The following ZBTB41 variants were observed in gnomAD, a reference collection of about 807,000 sequenced individuals.
ZBTB41 encodes the protein zinc finger and BTB domain-containing protein 41.
ZBTB41 carries 42 observed loss-of-function variants against 87.6 expected under a neutral mutation model. That is an observed-to-expected ratio of 0.48 (90% CI 0.37 to 0.62). ZBTB41 has a LOEUF of 0.62. Among genes scored for constraint, ZBTB41 ranks in the 20% least tolerant of loss-of-function variants. ZBTB41 has a pLI of 0.00. For synonymous variants in ZBTB41, 364 were observed against 364.0 expected, an observed-to-expected ratio of 1.00 and a Z score of 0.00; for missense variants, 799 against 1,078.9, an observed-to-expected ratio of 0.74 and a Z score of 3.63.
chr1:197,198,673 T>TAA (rs938335755), intron 2 of ZBTB41, among the ~76,000 whole-genome samples: 5 of 152,120 alleles, frequency 3.3e-5, no homozygotes, highest in African/African-American at 1.2e-4. Flanking sequence ...ACATAAAACT[T>TAA]AAAGTGATAG....
chr1:197,181,251 G>T, intron 5 of ZBTB41, 134 bp from the exon 6 acceptor site: 1 of 727,526 alleles, frequency 1.4e-6, no homozygotes, highest in East Asian at 3.0e-5. Flanking sequence ...TTCTCTTCTA[G>T]GTTATTTATT....
intron 2 of ZBTB41, among the ~76,000 whole-genome samples, chr1:197,197,981 G>A (rs1472870111): frequency 6.6e-6 from 1 of 152,094 alleles, no homozygotes; most frequent in East Asian, 1.9e-4. Flanking sequence ...AGACAATTAA[G>A]GCAGAATACA....
At position 197,194,689 on chromosome 1, in the gene ZBTB41, T is replaced by G. The variant is rs980278846; in HGVS notation, c.1121-2790A>C. 2.0e-5 allele frequency among the ~76,000 whole-genome samples: 3 copies of G among 147,840 alleles called. No homozygotes were observed. The East Asian group carries it at 5.9e-4, about 29-fold the overall frequency. Reference sequence around the variant, plus strand: ...ACTGAAATAGCCAAATTTAGAAAAATCTCATGATTTTTTTAAAAACCATTT... The same window carrying G: ...ACTGAAATAGCCAAATTTAGAAAAAGCTCATGATTTTTTTAAAAACCATTT... On this transcript the variant is annotated intron_variant, in intron 2 of 10. Coordinates refer to ENST00000367405, the MANE Select transcript of ZBTB41 (RefSeq NM_194314.3).
chr1:197,169,760 A>C (rs527296141), intron 10 of ZBTB41, among the ~76,000 whole-genome samples: 1 of 152,192 alleles, frequency 6.6e-6, no homozygotes, highest in Admixed American at 6.5e-5. Context: ...AGTCAACATT[A>C]AAATCAAGTC....
chr1:197,182,013 T>A (rs1201452923), intron 5 of ZBTB41, among the ~76,000 whole-genome samples: 1 of 152,180 alleles, frequency 6.6e-6, no homozygotes, highest in Non-Finnish European at 1.5e-5. Context: ...TATTTATTTA[T>A]TCTTAATTCA....
intron 7 of ZBTB41, 57 bp from the exon 8 acceptor site, chr1:197,176,727 T>C (rs1659617690): frequency 8.3e-7 from 1 of 1,207,154 alleles, no homozygotes; most frequent in Non-Finnish European, 1.2e-6. Context: ...AGGAAAAAGC[T>C]CAATAATGAA....
At chr1:197,186,836 C>G (rs1375134900) in intron 5 of ZBTB41, among the ~76,000 whole-genome samples, 1 of 151,968 alleles carries the variant, frequency 6.6e-6, no homozygotes, top group Non-Finnish European at 1.5e-5. Context: ...TACACTCCAG[C>G]CTGGGCAACA....
At position 197,181,098 on chromosome 1, in the gene ZBTB41, T is replaced by TATATCACA. The variant is rs772577449; in HGVS notation, c.1558_1565dup (p.Cys523ValfsTer14). On this transcript the variant is annotated frameshift_variant, in exon 6 of 11. Coordinates refer to ENST00000367405, the MANE Select transcript of ZBTB41 (RefSeq NM_194314.3). LOFTEE classifies it high-confidence loss of function. The stretch of plus-strand genomic sequence containing the variant: ...CAGTGTCGTTAAACTGGCGACCACA[T>TATATCACA]ATATCACATGGAAAAGGACCTAAAA... 6.3e-7 allele frequency: 1 copy of TATATCACA among 1,590,254 alleles called. No individual in the cohort carries two copies. Among genetic ancestry groups the TATATCACA allele is most frequent in the Non-Finnish European group, 8.5e-7 (1 of 1,174,302 alleles).
intron 3 of ZBTB41, among the ~76,000 whole-genome samples, chr1:197,191,408 G>A (rs1476536233): frequency 6.9e-6 from 1 of 143,906 alleles, no homozygotes; most frequent in African/African-American, 2.6e-5. Flanking sequence ...AGTGAGCTGA[G>A]ATTGTACCAC....
rs1462848501 is a variant in ZBTB41 at position 197,176,500 on chromosome 1, A to G, written c.1879+64T>C. ...TTATAGCCAACATAAACATAACATC[A>G]TATTATGTTCCTTTCAGGTATTTAA... On this transcript the variant is annotated intron_variant, in intron 8 of 10. Coordinates refer to ENST00000367405, the MANE Select transcript of ZBTB41 (RefSeq NM_194314.3). 1.4e-5 allele frequency: 15 copies of G among 1,107,316 alleles called. No homozygotes were observed. The Admixed American group carries it at 1.6e-4, about 12-fold the overall frequency. The allele number at this position is 1,107,316 out of a possible 1,614,324, so 68.6% of individuals were successfully genotyped here. A position where few individuals can be genotyped will look rare whatever the true frequency, so the allele number is the denominator to read the frequency against.
intron 10 of ZBTB41, among the ~76,000 whole-genome samples, chr1:197,167,670 A>G (rs568258445): frequency 6.6e-6 from 1 of 152,318 alleles, no homozygotes; most frequent in South Asian, 2.1e-4. Flanking sequence ...GATCACCTCA[A>G]TCAATATAGA....
At chr1:197,191,558 A>G in intron 3 of ZBTB41, 134 bp downstream of exon 3, 1 of 655,084 alleles carries the variant, frequency 1.5e-6, no homozygotes, top group Non-Finnish European at 2.3e-6. Flanking sequence ...AAAACAGGAT[A>G]ATCAAAATAC....
chr1:197,199,639 T>C lies in ZBTB41; in HGVS notation c.835A>G (p.Asn279Asp), dbSNP rs777293644. 6.2e-7 allele frequency: 1 copy of C among 1,612,594 alleles called. No individual in the cohort carries two copies. The highest frequency in any genetic ancestry group is 2.2e-5 in the East Asian group (1 of 44,872). Reference protein sequence around the residue: ...DEQESGDGSDNLNQENFDKEK... With the variant: ...DEQESGDGSDDLNQENFDKEK... ...TTATCAAAATTTTCTTGATTCAAAT[T>C]GTCTGACCCATCACCACTTTCCTGT... The change falls in exon 2 of 11, where the codon AAT (asparagine) becomes GAT (aspartate). Residue 279 changes from asparagine (N) to aspartate (D), a missense_variant. Coordinates refer to ENST00000367405, the MANE Select transcript of ZBTB41 (RefSeq NM_194314.3).
intron 2 of ZBTB41, among the ~76,000 whole-genome samples, chr1:197,197,689 G>C (rs1442967724): frequency 6.6e-6 from 1 of 152,054 alleles, no homozygotes; most frequent in Non-Finnish European, 1.5e-5. Flanking sequence ...GAAAACTCTA[G>C]TTTCCTAGGA....
At chr1:197,172,323 A>AT in intron 9 of ZBTB41, 75 bp from the exon 10 acceptor site, 1 of 383,218 alleles carries the variant, frequency 2.6e-6, no homozygotes, top group South Asian at 1.0e-4. Flanking sequence ...ATTAATAATT[A>AT]TATTAATAAC....
chr1:197,186,104 G>A (rs775242619), intron 5 of ZBTB41, among the ~76,000 whole-genome samples: 31 of 151,756 alleles, frequency 2.0e-4, no homozygotes, highest in Non-Finnish European at 3.8e-4. Flanking sequence ...AGACAGTGTA[G>A]TATTGGCAAA....
At chr1:197,198,911 G>A (rs985179150) in intron 2 of ZBTB41, among the ~76,000 whole-genome samples, 13 of 152,028 alleles carry the variant, frequency 8.6e-5, no homozygotes, top group African/African-American at 3.1e-4. Flanking sequence ...ATTAAATAGT[G>A]CTAGATACTG....
chr1:197,200,174 A>G lies in ZBTB41; in HGVS notation c.300T>C (p.Ser100=), dbSNP rs1660276004. ...CGACAGCAACGACTACTTTATGTGC[A>G]CTAAATTCTTTTCCTTCCACTATGA... ...LLIIVEGKEF[S]AHKVVVAVGS... Residue 100 remains serine, a synonymous_variant, in exon 2 of 11, where the codon AGT becomes AGC. Transcript: ENST00000367405. 1 of 1,613,858 alleles carries G rather than the reference A, an allele frequency of 6.2e-7. No homozygotes were observed. Among genetic ancestry groups the G allele is most frequent in the Admixed American group, 1.7e-5 (1 of 59,992 alleles).
chr1:197,199,433 C>T lies in ZBTB41; in HGVS notation c.1041G>A (p.Gly347=). ...AGDSVGNVHE[G]LTPVVIQNSN... Reference sequence around the variant, plus strand: ...TGTTCTGAATGACCACTGGAGTTAACCCCTCATGAACATTTCCTACAGAAT... The same window carrying T: ...TGTTCTGAATGACCACTGGAGTTAATCCCTCATGAACATTTCCTACAGAAT... The change falls in exon 2 of 11, where the codon GGG becomes GGA. Residue 347 remains glycine, a synonymous_variant. Coordinates refer to ENST00000367405, the MANE Select transcript of ZBTB41 (RefSeq NM_194314.3). 6.2e-7 allele frequency: 1 copy of T among 1,611,052 alleles called. No homozygotes were observed. Among genetic ancestry groups the T allele is most frequent in the Non-Finnish European group, 8.5e-7 (1 of 1,179,078 alleles).
Sources: allele counts gnomAD v4.1 joint callset (sites outside exome capture counted in the v4.1 genomes callset), GRCh38; gene constraint gnomAD v4.1.1; transcripts MANE v1.5; gene names NCBI Gene and HGNC (gene_info 2026-07-23, HGNC 2026-07-21).